MMP8: variants seen among roughly 807,000 people sequenced by gnomAD.
MMP8 encodes neutrophil collagenase.
In MMP8, 67 loss-of-function variants were observed where a neutral mutation model predicts 51.2. That is an observed-to-expected ratio of 1.31 (90% confidence interval 1.08 to 1.60). The LOEUF (loss-of-function observed/expected upper bound fraction) is 1.60, where lower values mean the gene tolerates loss of function less well. MMP8 is among the 40% of genes most tolerant of loss of function. The probability of loss-of-function intolerance (pLI) is 0.00; values close to 1 mark genes in which losing one functional copy is unlikely to be tolerated. For missense variants in MMP8, 654 were observed against 558.1 expected (o/e 1.17, Z -1.73); for synonymous variants, 225 against 191.0 (o/e 1.18, Z -1.47).
Position 102,722,677 on chromosome 11 carries a change from G to A in MMP8, c.103-4C>T, listed in dbSNP as rs1477856464. 11 of 1,613,156 alleles carry A rather than the reference G, an allele frequency of 6.8e-6. No homozygotes were observed. Among genetic ancestry groups the A allele is most frequent in the Non-Finnish European group, 9.3e-6 (11 of 1,179,512 alleles). ...GGTAGAACTTTTCCAGGTAGTCCTGGACAAAGACAAGCACATAGGGGTCTT... is the reference window on the plus strand; with the variant it reads ...GGTAGAACTTTTCCAGGTAGTCCTGAACAAAGACAAGCACATAGGGGTCTT... On this transcript the variant is annotated splice_polypyrimidine_tract_variant and splice_region_variant and intron_variant, in intron 1 of 9. Coordinates refer to ENST00000236826, the MANE Select transcript of MMP8 (RefSeq NM_002424.3).
Position 102,721,700 on chromosome 11 carries a change from A to C in MMP8, c.410T>G (p.Phe137Cys). Reference protein sequence around the residue: ...AEVERAIKDAFELWSVASPLI... With the variant: ...AEVERAIKDACELWSVASPLI... ...AGGTGATGCAACACTCCAGAGTTCAAAGGCATCCTTGATAGCTCTTTCTAC... is the reference window on the plus strand; with the variant it reads ...AGGTGATGCAACACTCCAGAGTTCACAGGCATCCTTGATAGCTCTTTCTAC... The change falls in exon 3 of 10, where the codon TTT becomes TGT. Residue 137 changes from phenylalanine (F) to cysteine (C), a missense_variant. By Grantham distance (205) the Phe-to-Cys change is radical. Transcript: ENST00000236826. 6.2e-7 allele frequency: 1 copy of C among 1,613,868 alleles called. No homozygotes were observed.
intron 2 of MMP8, 105 bp downstream of exon 2, chr11:102,722,324 T>A: frequency 8.1e-7 from 1 of 1,229,072 alleles, no homozygotes; most frequent in Non-Finnish European, 1.1e-6. Flanking sequence ...AAGGCAGGGA[T>A]ATTTATCTAC....
chr11:102,718,536 T>C lies in MMP8; in HGVS notation c.662A>G (p.His221Arg), dbSNP rs989074921. The stretch of plus-strand genomic sequence containing the variant: ...AGAGGAGTGAGCGAGCCCCAAAGAA[T>C]GGCCAAATTCATGAGCAGCAACAAG... ...LFLVAAHEFG[H>R]SLGLAHSSDP... The change falls in exon 5 of 10, where the codon CAT becomes CGT. Residue 221 changes from histidine to arginine, a missense_variant. Coordinates refer to ENST00000236826, the MANE Select transcript of MMP8 (RefSeq NM_002424.3). The C allele has an allele frequency of 3.7e-6, 6 of 1,613,806 alleles. No homozygotes were observed. In the African/African-American group the frequency reaches 5.3e-5, roughly 14 times the overall value.
chr11:102,713,381 T>C lies in MMP8; in HGVS notation c.1371A>G (p.Arg457=), dbSNP rs1861181684. ...LIAQRVTRVA[R]GNKWLNCRYG ...ATCTACAGTTAAGCCATTTATTGCC[T>C]CTTGCAACTCTGGTAACTCTCTGAG... Residue 457 remains arginine, a synonymous_variant, in exon 10 of 10, where the codon AGA becomes AGG. Coordinates refer to ENST00000236826, the MANE Select transcript of MMP8 (RefSeq NM_002424.3). 1.9e-6 allele frequency: 3 copies of C among 1,613,608 alleles called. No individual in the cohort carries two copies. In the East Asian group the frequency reaches 6.7e-5, roughly 36 times the overall value.
intron 1 of MMP8, chr11:102,722,965 G>C: frequency 7.6e-7 from 1 of 1,315,976 alleles, no homozygotes; most frequent in Non-Finnish European, 1.0e-6. Context: ...CTGTCTTCTT[G>C]TTTTTACAAA....
intron 1 of MMP8, 58 bp from the exon 2 acceptor site, chr11:102,722,731 C>A: frequency 6.3e-7 from 1 of 1,591,524 alleles, no homozygotes; most frequent in Non-Finnish European, 8.6e-7. Context: ...GTTCTCTGGT[C>A]ATTTTGCAAC....
chr11:102,716,398 T>C lies in MMP8; in HGVS notation c.806A>G (p.Gln269Arg). 1 of 1,504,608 alleles carries C rather than the reference T, an allele frequency of 6.6e-7. No homozygotes were observed. Among genetic ancestry groups the C allele is most frequent in the Non-Finnish European group, 8.9e-7 (1 of 1,118,516 alleles). The allele number at this position is 1,504,608 out of a possible 1,614,324, so 93.2% of individuals were successfully genotyped here. ...AIYGLSSNPI[Q>R]PTGPSTPKPC... ...TTTGGGTGTGCTTGGTCCAGTAGGT[T>C]GGATAGGGTTGCTTGAAAGTCCTGG... The change falls in exon 6 of 10, where the codon CAA becomes CGA. Residue 269 changes from glutamine (Q) to arginine (R), a missense_variant. Gln to Arg is a conservative substitution (Grantham distance 43). Coordinates refer to ENST00000236826, the MANE Select transcript of MMP8 (RefSeq NM_002424.3).
rs775951475 is a variant in MMP8, at chr11:102,721,521, C to T, written c.502G>A (p.Gly168Ser). ...INIAFYQRDHGDNSPFDGPNG... is the reference protein window; with the variant it reads ...INIAFYQRDHSDNSPFDGPNG... ...GGTCCATCAAATGGAGAATTGTCAC[C>T]GTGATCTGAAATAAGAACATTTGTA... The change falls in exon 4 of 10, where the codon GGT becomes AGT. Residue 168 changes from glycine (G) to serine (S), a missense_variant. By Grantham distance (56) the Gly-to-Ser change is moderately conservative. Coordinates refer to ENST00000236826, the MANE Select transcript of MMP8 (RefSeq NM_002424.3). The T allele has an allele frequency of 1.0e-4, 169 of 1,613,584 alleles. 3 individuals carry two copies. The highest frequency in any genetic ancestry group is 3.4e-5 in the Non-Finnish European group (40 of 1,179,786).
Position 102,712,949 on chromosome 11 carries a change from C to A in MMP8, c.*399G>T, listed in dbSNP as rs12284255. 15,150 of 160,142 alleles carry A rather than the reference C, an allele frequency of 0.095. 834 individuals are homozygous for A. The highest frequency in any genetic ancestry group is 0.24 in the East Asian group (1,301 of 5,470). 9.9% of individuals were successfully genotyped at this position (160,142 alleles called of 1,614,324 possible). Reference sequence around the variant, plus strand: ...GTTGTTTATAATCCTTACTTCTAACCAAAATCTAGTTCTAAATTGCATGTA... The same window carrying A: ...GTTGTTTATAATCCTTACTTCTAACAAAAATCTAGTTCTAAATTGCATGTA... On this transcript the variant is annotated 3_prime_UTR_variant, in exon 10 of 10. Transcript: ENST00000236826.
chr11:102,723,043 T>TA (rs1861520985), intron 1 of MMP8: 1 of 1,292,444 alleles, frequency 7.7e-7, no homozygotes, highest in Admixed American at 2.3e-5. Flanking sequence ...TCCTCTTTTT[T>TA]ATCCTCTTCA....
Position 102,721,752 on chromosome 11 carries a change from A to G in MMP8, c.358T>C (p.Tyr120His). 3 of 1,613,652 alleles carry G rather than the reference A, an allele frequency of 1.9e-6. No individual in the cohort carries two copies. The highest frequency in any genetic ancestry group is 8.5e-7 in the Non-Finnish European group (1 of 1,179,734). Reference sequence around the variant, plus strand: ...TCAGCCTCTGACAGCTGTGGGGTATAGTTTCGAATCCTTCAAAATGAGAGG... The same window carrying G: ...TCAGCCTCTGACAGCTGTGGGGTATGGTTTCGAATCCTTCAAAATGAGAGG... The part of the protein sequence containing the change: ...RTNLTYRIRN[Y>H]TPQLSEAEVE... The change falls in exon 3 of 10, where the codon TAT becomes CAT. Residue 120 changes from tyrosine (Y) to histidine (H), a missense_variant. Coordinates refer to ENST00000236826, the MANE Select transcript of MMP8 (RefSeq NM_002424.3).
At chr11:102,715,806 A>C (rs903366360) in intron 6 of MMP8, among the ~76,000 whole-genome samples, 11 of 152,232 alleles carry the variant, frequency 7.2e-5, no homozygotes, top group Admixed American at 1.3e-4. Context: ...GTGATTGCAC[A>C]CTCACAAAAT....
chr11:102,723,174 AT>A, intron 1 of MMP8: 1 of 549,368 alleles, frequency 1.8e-6, no homozygotes, highest in Non-Finnish European at 3.1e-6. Context: ...AGAACTGATA[AT>A]TTCAAAATAA....
intron 2 of MMP8, among the ~76,000 whole-genome samples, 160 bp downstream of exon 2, chr11:102,722,269 C>G (rs1861495452): frequency 6.6e-6 from 1 of 152,014 alleles, no homozygotes; most frequent in South Asian, 2.1e-4. Context: ...CCCACGGTAT[C>G]TCAACATTTT....
intron 1 of MMP8, 30 bp from the exon 2 acceptor site, chr11:102,722,703 G>A (rs1165995915): frequency 6.2e-7 from 1 of 1,608,762 alleles, no homozygotes; most frequent in Non-Finnish European, 8.5e-7. Context: ...TAGGGGTCTT[G>A]CTGTGAAAGG....
chr11:102,718,884 C>T (rs576489931), intron 4 of MMP8, among the ~76,000 whole-genome samples: 3 of 152,262 alleles, frequency 2.0e-5, no homozygotes, highest in South Asian at 2.1e-4. Flanking sequence ...ATGGCAGAGC[C>T]GTCATGACTT....
chr11:102,721,823 G>T, intron 2 of MMP8, 61 bp from the exon 3 acceptor site: 2 of 1,573,232 alleles, frequency 1.3e-6, no homozygotes, highest in Non-Finnish European at 1.7e-6. Flanking sequence ...TCCATCAACT[G>T]ATGAGTTGTT....
chr11:102,716,353 G>T lies in MMP8; in HGVS notation c.851C>A (p.Thr284Lys), dbSNP rs771278927. ...STPKPCDPSL[T>K]FDAITTLRGE... ...ACGGAGTGTGGTGATAGCATCAAAT[G>T]TCAAACTGGGGTCACAGGGTTTGGG... Residue 284 changes from threonine (T) to lysine (K), a missense_variant, in exon 6 of 10, where the codon ACA becomes AAA. Thr to Lys is a moderately conservative substitution (Grantham distance 78). Transcript: ENST00000236826. The T allele has an allele frequency of 1.1e-5, 17 of 1,553,632 alleles. No individual in the cohort carries two copies. Among genetic ancestry groups the T allele is most frequent in the Non-Finnish European group, 1.5e-5 (17 of 1,144,670 alleles).
Position 102,722,615 on chromosome 11 carries a change from T to C in MMP8, c.161A>G (p.Asn54Ser). Reference protein sequence around the residue: ...PSNQYQSTRKNGTNVIVEKLK... With the variant: ...PSNQYQSTRKSGTNVIVEKLK... ...CTTTTCAACGATCACATTAGTGCCA[T>C]TCTTCCTTGTAGACTGATACTGGTT... The change falls in exon 2 of 10, where the codon AAT (asparagine) becomes AGT (serine). Residue 54 changes from asparagine (N) to serine (S), a missense_variant. Asn to Ser is a conservative substitution (Grantham distance 46). Coordinates refer to ENST00000236826, the MANE Select transcript of MMP8 (RefSeq NM_002424.3). 6.2e-7 allele frequency: 1 copy of C among 1,613,942 alleles called. No homozygotes were observed.
Sources: allele counts gnomAD v4.1 joint callset (sites outside exome capture counted in the v4.1 genomes callset), GRCh38; gene constraint gnomAD v4.1.1; transcripts MANE v1.5; gene names NCBI Gene and HGNC (gene_info 2026-07-23, HGNC 2026-07-21).